Variants in SFSWAP observed in about 807,000 individuals in gnomAD.
SFSWAP encodes splicing factor SWAP.
A neutral mutation model predicts 100.7 loss-of-function variants in SFSWAP; 17 were observed. The ratio of observed to expected loss-of-function variants is 0.17; its 90% CI spans 0.12 to 0.25. The LOEUF (loss-of-function observed/expected upper bound fraction) is 0.25, where lower values mean the gene tolerates loss of function less well. Among genes scored for constraint, SFSWAP ranks in the 10% least tolerant of loss-of-function variants. The pLI is 1.00. For missense variants in SFSWAP, 1,005 were observed against 1,262.6 expected, an observed-to-expected ratio of 0.80 and a Z score of 3.09; for synonymous variants, 504 against 510.1, an observed-to-expected ratio of 0.99 and a Z score of 0.16.
chr12:131,768,350 A>G (rs2136241834), intron 13 of SFSWAP, among the ~76,000 whole-genome samples: 1 of 152,352 alleles, frequency 6.6e-6, no homozygotes, highest in Middle Eastern at 3.4e-3. Flanking sequence ...CCATTATTGA[A>G]AACTGATTTT....
intron 4 of SFSWAP, among the ~76,000 whole-genome samples, chr12:131,720,787 A>G (rs1878401947): frequency 6.6e-6 from 1 of 152,140 alleles, no homozygotes; most frequent in Admixed American, 6.5e-5. Context: ...CTCTTCCCTT[A>G]TTCATTTACA....
intron 13 of SFSWAP, among the ~76,000 whole-genome samples, chr12:131,772,105 A>G (rs1037204273): frequency 6.6e-6 from 1 of 151,986 alleles, no homozygotes; most frequent in Middle Eastern, 3.2e-3. Context: ...TGTCACAAAC[A>G]TTTTTTCCCC....
chr12:131,797,507 C>T, intron 16 of SFSWAP, 147 bp downstream of exon 16: 1 of 704,908 alleles, frequency 1.4e-6, no homozygotes, highest in Non-Finnish European at 2.3e-6. Flanking sequence ...CCCCCTCTAG[C>T]AAGGAAGTCG....
At chr12:131,728,843 G>A (rs1879239269) in intron 7 of SFSWAP, among the ~76,000 whole-genome samples, 1 of 151,976 alleles carries the variant, frequency 6.6e-6, no homozygotes, top group Admixed American at 6.6e-5. Context: ...GGGACTACAA[G>A]CACGATAACA....
chr12:131,748,185 C>G (rs553590681), intron 7 of SFSWAP, among the ~76,000 whole-genome samples: 1 of 151,052 alleles, frequency 6.6e-6, no homozygotes, highest in African/African-American at 2.4e-5. Flanking sequence ...AATATCTATA[C>G]TTATCTCCAT....
intron 13 of SFSWAP, among the ~76,000 whole-genome samples, chr12:131,767,024 G>C (rs1013143933): frequency 7.4e-6 from 1 of 135,240 alleles, no homozygotes; most frequent in Non-Finnish European, 1.6e-5. Context: ...ATGCGTGTCC[G>C]AGACCAGAGG....
At position 131,725,438 on chromosome 12, in the gene SFSWAP, C is replaced by T. The variant is rs1306534615; in HGVS notation, c.640C>T (p.Arg214Cys). Residue 214 changes from arginine to cysteine, a missense_variant, in exon 5 of 18, where the codon CGC becomes TGC. By Grantham distance (180) the Arg-to-Cys change is radical. Transcript: ENST00000261674. This position sits in a 1 kb window ranked among gnomAD's most constrained non-coding sequence, Gnocchi z 4.3. ...PTAKMHAIIE[R>C]TASFVCRQGA... is the part of the protein sequence containing the mutation. The stretch of plus-strand genomic sequence containing the variant: ...CGCTAAAATGCACGCCATCATCGAG[C>T]GCACGGCCAGCTTCGTGTGCAGGCA... The T allele has an allele frequency of 1.2e-6, 2 of 1,614,048 alleles. No individual in the cohort carries two copies. The highest frequency in any genetic ancestry group is 1.3e-5 in the African/African-American group (1 of 74,914).
Position 131,778,617 on chromosome 12 carries a change from A to G in SFSWAP, c.2408+287A>G, listed in dbSNP as rs1465965964. 6.6e-6 allele frequency among the ~76,000 whole-genome samples: 1 copy of G among 152,162 alleles called. No homozygotes were observed. Among genetic ancestry groups the G allele is most frequent in the Non-Finnish European group, 1.5e-5 (1 of 68,024 alleles). ...ACTGCAACCTCCGCTTCCCAGGTTCAAGTGATTCTCCTGCCTCAGCCTCCT... is the reference window on the plus strand; with the variant it reads ...ACTGCAACCTCCGCTTCCCAGGTTCGAGTGATTCTCCTGCCTCAGCCTCCT... On this transcript the variant is annotated intron_variant, in intron 14 of 17. Transcript: ENST00000261674. This position sits in a 1 kb window ranked among gnomAD's most constrained non-coding sequence, Gnocchi z 4.2.
At chr12:131,747,792 C>T (rs1881275957) in intron 7 of SFSWAP, among the ~76,000 whole-genome samples, 1 of 152,184 alleles carries the variant, frequency 6.6e-6, no homozygotes, top group African/African-American at 2.4e-5. Context: ...ACACATTCGG[C>T]TTGAAATATG....
chr12:131,799,525 GGGCTTCTGGGCA>G lies in SFSWAP; in HGVS notation c.*42_*53del. 6 of 1,592,686 alleles carry G rather than the reference GGGCTTCTGGGCA, an allele frequency of 3.8e-6. No individual in the cohort carries two copies. The highest frequency in any genetic ancestry group is 5.2e-6 in the Non-Finnish European group (6 of 1,163,094). Reference sequence around the variant, plus strand: ...CGGAGGCAGAGCCGGGAGGCTGCGTGGGCTTCTGGGCAGGCTCACGCAGACGCCGGCCACACC... The same window carrying G: ...CGGAGGCAGAGCCGGGAGGCTGCGTGGGCTCACGCAGACGCCGGCCACACC... On this transcript the variant is annotated 3_prime_UTR_variant, in exon 18 of 18. Coordinates refer to ENST00000261674, the MANE Select transcript of SFSWAP (RefSeq NM_004592.4).
At chr12:131,728,039 A>G (rs141596522) in intron 6 of SFSWAP, among the ~76,000 whole-genome samples, 2 of 152,350 alleles carry the variant, frequency 1.3e-5, no homozygotes, top group African/African-American at 4.8e-5. Flanking sequence ...ATTGGTGTCA[A>G]ACTAGTCTTA....
intron 13 of SFSWAP, among the ~76,000 whole-genome samples, chr12:131,772,221 A>G (rs1172909529): frequency 6.6e-6 from 1 of 152,218 alleles, no homozygotes; most frequent in Admixed American, 6.5e-5. Context: ...CCAGTGACTC[A>G]CAGAGCCTTC....
At chr12:131,723,915 A>G (rs1878716519) in intron 4 of SFSWAP, among the ~76,000 whole-genome samples, 1 of 152,246 alleles carries the variant, frequency 6.6e-6, no homozygotes, top group African/African-American at 2.4e-5. Context: ...TTCTTAGGCC[A>G]TTGTAACATA....
rs1393658270 is a variant in SFSWAP, at chr12:131,756,637, G to A, written c.1713G>A (p.Leu571=). 1 of 1,590,760 alleles carries A rather than the reference G, an allele frequency of 6.3e-7. No homozygotes were observed. Among genetic ancestry groups the A allele is most frequent in the Non-Finnish European group, 8.5e-7 (1 of 1,169,758 alleles). Residue 571 remains leucine (L), a synonymous_variant, in exon 11 of 18, where the codon CTG becomes CTA. Transcript: ENST00000261674. ...SSSKTVPDGK[L]VKASFAPISF... is the part of the protein sequence containing the mutation. ...GTAAGACCGTCCCGGACGGGAAGCT[G>A]GTGAAAGGTATGCTGCCACTTGCAT...
intron 1 of SFSWAP, chr12:131,713,743 G>A (rs1877614737): frequency 5.4e-6 from 1 of 184,162 alleles, no homozygotes; most frequent in Admixed American, 6.1e-5. Context: ...GCATTGAATG[G>A]TTGACCAAAC....
intron 7 of SFSWAP, among the ~76,000 whole-genome samples, chr12:131,735,761 A>C (rs991999595): frequency 5.9e-5 from 9 of 152,212 alleles, no homozygotes; most frequent in African/African-American, 2.2e-4. Flanking sequence ...GGCTTATATT[A>C]TTTCAAGGAC....
chr12:131,719,003 C>T (rs1007652639), intron 3 of SFSWAP, among the ~76,000 whole-genome samples: 8 of 152,208 alleles, frequency 5.3e-5, no homozygotes, highest in African/African-American at 1.7e-4. Flanking sequence ...GTTTGAATTG[C>T]GTAGGTCCGC....
intron 4 of SFSWAP, among the ~76,000 whole-genome samples, chr12:131,722,854 C>T (rs114095992): frequency 0.014 from 2,067 of 152,106 alleles, 43 homozygotes; most frequent in African/African-American, 0.047. Flanking sequence ...GAGGCCAAGG[C>T]GGGAGGATGG....
At chr12:131,728,690 C>T (rs893625831) in intron 7 of SFSWAP, among the ~76,000 whole-genome samples, 1 of 151,690 alleles carries the variant, frequency 6.6e-6, no homozygotes, top group Non-Finnish European at 1.5e-5. Context: ...CTGGCTGCCT[C>T]TGCCCTTCTT....
Sources: allele counts gnomAD v4.1 joint callset (sites outside exome capture counted in the v4.1 genomes callset), GRCh38; gene constraint gnomAD v4.1.1; non-coding constraint Gnocchi (gnomAD v3.1); transcripts MANE v1.5; gene names NCBI Gene and HGNC (gene_info 2026-07-23, HGNC 2026-07-21).